SLC25A14: variants seen among roughly 807,000 people sequenced by gnomAD.
SLC25A14 encodes solute carrier family 25 member 14, also known as brain mitochondrial carrier protein 1.
A neutral mutation model predicts 28.1 loss-of-function variants in SLC25A14; 8 were observed. That is an observed-to-expected ratio of 0.28 (90% CI 0.17 to 0.51). SLC25A14 has a LOEUF of 0.51. SLC25A14 is among the 20% of genes least tolerant of loss of function. The pLI is 0.97. For missense variants in SLC25A14, 135 were observed against 263.8 expected (o/e 0.51, Z 3.38); for synonymous variants, 74 against 90.6 (o/e 0.82, Z 1.04).
intron 8 of SLC25A14, chrX:130,365,320 TA>T (rs1471420747): frequency 2.1e-5 from 20 of 963,131 alleles, no homozygotes; most frequent in Admixed American, 1.5e-4. Flanking sequence ...AACTCTCCTT[TA>T]AAAAAAAGGC....
intron 8 of SLC25A14, chrX:130,365,043 A>C: frequency 1.3e-6 from 1 of 780,571 alleles, no homozygotes; most frequent in Non-Finnish European, 1.5e-6. Flanking sequence ...CACATCTATT[A>C]TTTGCTTTGG....
At chrX:130,363,909 A>AT (rs1270710762) in intron 7 of SLC25A14, among the ~76,000 whole-genome samples, 2 of 110,536 alleles carry the variant, frequency 1.8e-5, no homozygotes, top group East Asian at 2.8e-4. Context: ...AATTTAAAAA[A>AT]TTTTTTTAAG....
chrX:130,364,989 A>G (rs1438551717), intron 8 of SLC25A14: 16 of 882,534 alleles, frequency 1.8e-5, no homozygotes, highest in Non-Finnish European at 2.1e-5. Context: ...TCAGAGGTCT[A>G]TTTGATTTAC....
chrX:130,359,619 TTAG>T (rs1162453760), intron 7 of SLC25A14, among the ~76,000 whole-genome samples: 2 of 110,453 alleles, frequency 1.8e-5, no homozygotes, highest in Non-Finnish European at 3.8e-5. Context: ...AATAATATTA[TTAG>T]TAGAATATAC....
At chrX:130,356,024 G>A (rs1053172974) in intron 6 of SLC25A14, among the ~76,000 whole-genome samples, 1 of 110,959 alleles carries the variant, frequency 9.0e-6, no homozygotes, top group Non-Finnish European at 1.9e-5. Flanking sequence ...GGGATGTTAA[G>A]GTTGATCAGT....
intron 6 of SLC25A14, among the ~76,000 whole-genome samples, chrX:130,356,776 A>T (rs994360898): frequency 1.8e-5 from 2 of 111,658 alleles, no homozygotes; most frequent in African/African-American, 6.5e-5. Flanking sequence ...TGATTCTTCT[A>T]TATCTTTGCT....
At chrX:130,368,636 T>C (rs375514030) in intron 9 of SLC25A14, among the ~76,000 whole-genome samples, 4 of 112,835 alleles carry the variant, frequency 3.5e-5, no homozygotes, top group East Asian at 2.8e-4. Context: ...TAATGTTTAT[T>C]GAATGCTTAT....
At chrX:130,371,305 C>T (rs988835892) in intron 9 of SLC25A14, among the ~76,000 whole-genome samples, 1 of 111,329 alleles carries the variant, frequency 9.0e-6, no homozygotes, top group Non-Finnish European at 1.9e-5. Context: ...ATCTTGGAGG[C>T]TGGCTACCAT....
intron 4 of SLC25A14, among the ~76,000 whole-genome samples, chrX:130,347,232 T>C (rs190889996): frequency 1.3e-4 from 15 of 111,415 alleles, no homozygotes; most frequent in African/African-American, 4.9e-4. Context: ...ACTCAGAGAA[T>C]AGACATCAAT....
intron 7 of SLC25A14, among the ~76,000 whole-genome samples, chrX:130,360,980 GTC>G (rs2033949927): frequency 1.8e-5 from 2 of 111,384 alleles, no homozygotes; most frequent in African/African-American, 6.5e-5. Context: ...TCTCTTTTGT[GTC>G]TCTATCAATT....
chrX:130,362,792 C>T (rs956777838), intron 7 of SLC25A14, among the ~76,000 whole-genome samples: 1 of 112,268 alleles, frequency 8.9e-6, no homozygotes, highest in African/African-American at 3.2e-5. Flanking sequence ...ATAGGAGCAT[C>T]GTGCTAGTGA....
chrX:130,356,134 T>G (rs1054505490), intron 6 of SLC25A14, among the ~76,000 whole-genome samples: 1 of 111,072 alleles, frequency 9.0e-6, no homozygotes, highest in Non-Finnish European at 1.9e-5. Context: ...ATTGATTGTT[T>G]CATTTAAGGT....
chrX:130,353,335 A>G (rs971436409), intron 6 of SLC25A14, among the ~76,000 whole-genome samples: 1 of 111,535 alleles, frequency 9.0e-6, no homozygotes, highest in East Asian at 2.8e-4. Context: ...GTGTAAACTT[A>G]CTTCCATCTA....
At chrX:130,341,007 A>G (rs1172416724) in intron 2 of SLC25A14, among the ~76,000 whole-genome samples, 5 of 111,470 alleles carry the variant, frequency 4.5e-5, no homozygotes, top group Non-Finnish European at 9.4e-5. Context: ...TCTTGGCACA[A>G]ACCATACTGA....
chrX:130,368,621 A>G (rs771707340), intron 9 of SLC25A14, among the ~76,000 whole-genome samples: 1 of 112,896 alleles, frequency 8.9e-6, no homozygotes, highest in African/African-American at 3.2e-5. Flanking sequence ...TAATATAGTA[A>G]TAGCTAATGT....
intron 7 of SLC25A14, among the ~76,000 whole-genome samples, chrX:130,361,702 G>A (rs1256992824): frequency 9.0e-6 from 1 of 111,709 alleles, no homozygotes; most frequent in Non-Finnish European, 1.9e-5. Context: ...TGGTCCTGGA[G>A]AGCACGGAGA....
At chrX:130,348,407 G>A (rs755252044) in intron 4 of SLC25A14, among the ~76,000 whole-genome samples, 9 of 110,729 alleles carry the variant, frequency 8.1e-5, no homozygotes, top group Non-Finnish European at 1.5e-4. Flanking sequence ...ATCTAGTTGA[G>A]TTTTGGTAGC....
chrX:130,367,401 A>C, intron 9 of SLC25A14, among the ~76,000 whole-genome samples: 1 of 111,905 alleles, frequency 8.9e-6, no homozygotes. Context: ...CAGAGGCATC[A>C]CAAGAGGAGC....
chrX:130,372,753 C>T (rs1034897094), intron 10 of SLC25A14, among the ~76,000 whole-genome samples, 156 bp from the exon 11 acceptor site: 5 of 111,466 alleles, frequency 4.5e-5, no homozygotes, highest in African/African-American at 1.3e-4. Flanking sequence ...TGAGCCACCG[C>T]GCCCGGCTGT....
Sources: allele counts gnomAD v4.1 joint callset (sites outside exome capture counted in the v4.1 genomes callset), GRCh38; gene constraint gnomAD v4.1.1; transcripts MANE v1.5; gene names NCBI Gene and HGNC (gene_info 2026-07-23, HGNC 2026-07-21).